The following ABLIM1 variants were observed in gnomAD, a reference collection of about 807,000 sequenced individuals.
ABLIM1 encodes the protein actin binding LIM protein 1, also known as actin-binding LIM protein 1.
Under a neutral mutation model 107.0 loss-of-function variants are expected in ABLIM1, and 40 were observed. That is an observed-to-expected ratio of 0.37 (90% CI 0.29 to 0.49). ABLIM1 has a LOEUF of 0.49. Among genes scored for constraint, ABLIM1 ranks in the 20% least tolerant of loss-of-function variants. The probability of loss-of-function intolerance (pLI) is 0.97; values close to 1 mark genes in which losing one functional copy is unlikely to be tolerated. For missense variants in ABLIM1, 857 were observed against 1,008.5 expected (o/e 0.85, Z 2.04); for synonymous variants, 357 against 357.3 (o/e 1.00, Z 0.01).
chr10:114,756,586 G>A (rs2082634839), intron 1 of ABLIM1, among the ~76,000 whole-genome samples: 1 of 152,082 alleles, frequency 6.6e-6, no homozygotes, highest in Admixed American at 6.6e-5. Context: ...TTTCTCAGTA[G>A]AGTTTAAAAT....
chr10:114,639,155 G>A (rs947988037), intron 1 of ABLIM1, among the ~76,000 whole-genome samples: 2 of 152,066 alleles, frequency 1.3e-5, no homozygotes, highest in African/African-American at 2.4e-5. Context: ...AGTCATCATC[G>A]GAGGAACTAG....
intron 6 of ABLIM1, among the ~76,000 whole-genome samples, chr10:114,534,347 T>A (rs956152879): frequency 6.6e-6 from 1 of 152,070 alleles, no homozygotes; most frequent in Non-Finnish European, 1.5e-5. Context: ...TAGTGGCCAG[T>A]CCAGGAACTA....
intron 1 of ABLIM1, among the ~76,000 whole-genome samples, chr10:114,714,897 CCT>C (rs2081628061): frequency 6.6e-6 from 1 of 151,978 alleles, no homozygotes; most frequent in Non-Finnish European, 1.5e-5. Context: ...TCTGATTATC[CCT>C]CTCTGTCTCC....
chr10:114,575,067 C>T (rs761647955), intron 3 of ABLIM1, among the ~76,000 whole-genome samples: 2 of 152,122 alleles, frequency 1.3e-5, no homozygotes, highest in Non-Finnish European at 2.9e-5. Context: ...TAAACACACA[C>T]ACATGCCTAG....
At chr10:114,738,234 G>A (rs1214018810) in intron 1 of ABLIM1, among the ~76,000 whole-genome samples, 1 of 152,152 alleles carries the variant, frequency 6.6e-6, no homozygotes, top group Non-Finnish European at 1.5e-5. Context: ...ATTTTTAGTA[G>A]AGATGGGGCT....
chr10:114,664,045 C>A (rs889203420), intron 1 of ABLIM1, among the ~76,000 whole-genome samples: 2 of 152,198 alleles, frequency 1.3e-5, no homozygotes, highest in African/African-American at 4.8e-5. Context: ...ACTAGGAAAT[C>A]TCCAATACCC....
At chr10:114,799,023 CT>C in the ABLIM1 span, among the ~76,000 whole-genome samples, 1 of 152,202 alleles carries the variant, frequency 6.6e-6, no homozygotes, top group Non-Finnish European at 1.5e-5. Context: ...TGGTCTCAAT[CT>C]TTTGACCTCA....
intron 4 of ABLIM1, among the ~76,000 whole-genome samples, chr10:114,567,165 G>A (rs2070874976): frequency 6.6e-6 from 1 of 152,210 alleles, no homozygotes; most frequent in Non-Finnish European, 1.5e-5. Flanking sequence ...TGGATAATCT[G>A]CAGACAAATG....
At chr10:114,726,282 C>T (rs1158633558) in intron 1 of ABLIM1, among the ~76,000 whole-genome samples, 1 of 152,050 alleles carries the variant, frequency 6.6e-6, no homozygotes, top group African/African-American at 2.4e-5. Context: ...GTTTGTTAGG[C>T]TATTCTTGCA....
chr10:114,538,722 A>G (rs905568922), intron 6 of ABLIM1, among the ~76,000 whole-genome samples: 1 of 152,194 alleles, frequency 6.6e-6, no homozygotes, highest in Non-Finnish European at 1.5e-5. Context: ...CAGGGAGGAG[A>G]ACAAAAGAAT....
chr10:114,673,966 G>T (rs141739781), intron 1 of ABLIM1, among the ~76,000 whole-genome samples: 235 of 152,290 alleles, frequency 1.5e-3, no homozygotes, highest in African/African-American at 5.1e-3. Context: ...GGGAGAACCA[G>T]GTTATCTAGT....
the ABLIM1 span, among the ~76,000 whole-genome samples, chr10:114,784,114 G>A: frequency 6.6e-6 from 1 of 151,384 alleles, no homozygotes; most frequent in Non-Finnish European, 1.5e-5. Flanking sequence ...TTGGGAGGCT[G>A]AGGGGGGCGG....
intron 2 of ABLIM1, 115 bp downstream of exon 2, chr10:114,601,712 T>G: frequency 6.6e-7 from 1 of 1,522,038 alleles, no homozygotes; most frequent in Non-Finnish European, 9.1e-7. Flanking sequence ...TCAGGGCTTC[T>G]GAGAGCATTC....
At chr10:114,534,689 C>A (rs559864344) in intron 6 of ABLIM1, among the ~76,000 whole-genome samples, 15 of 152,182 alleles carry the variant, frequency 9.9e-5, no homozygotes, top group Admixed American at 3.9e-4. Flanking sequence ...TCCTGGTTGA[C>A]TTCCTGGAAG....
chr10:114,777,380 C>T, the ABLIM1 span, among the ~76,000 whole-genome samples: 1 of 151,892 alleles, frequency 6.6e-6, no homozygotes, highest in Non-Finnish European at 1.5e-5. Flanking sequence ...TTCTTAGAGT[C>T]CTTGTCAGTT....
In ABLIM1 at chr10:114,721,272, G is replaced by A. The variant is rs535947102; in HGVS notation, c.-213+46789C>T. 1.6e-4 allele frequency among the ~76,000 whole-genome samples: 24 copies of A among 152,284 alleles called. No individual in the cohort carries two copies. In the South Asian group the frequency reaches 5.0e-3, roughly 32 times the overall value. ...TGACAGGTGAGCTTCACCTCTGGGAGTGGAGGCAGCACAAGGAAATCTTGG... is the reference window on the plus strand; with the variant it reads ...TGACAGGTGAGCTTCACCTCTGGGAATGGAGGCAGCACAAGGAAATCTTGG... On this transcript the variant is annotated intron_variant, in intron 1 of 15. Coordinates refer to the ABLIM1 transcript ENST00000651092.
At chr10:114,518,420 G>A (rs1256402296) in intron 6 of ABLIM1, among the ~76,000 whole-genome samples, 1 of 151,700 alleles carries the variant, frequency 6.6e-6, no homozygotes, top group Non-Finnish European at 1.5e-5. Flanking sequence ...TTTCAGCTTT[G>A]TGGACTACGC....
chr10:114,485,426 C>T (rs2058050921), intron 8 of ABLIM1: 2 of 1,491,378 alleles, frequency 1.3e-6, no homozygotes, highest in East Asian at 2.4e-5. Context: ...CAGAAATAGC[C>T]TCAAATCAGA....
chr10:114,752,372 T>C (rs1021365986), intron 1 of ABLIM1, among the ~76,000 whole-genome samples: 1 of 152,254 alleles, frequency 6.6e-6, no homozygotes, highest in Non-Finnish European at 1.5e-5. Flanking sequence ...ATTTTGATTA[T>C]TTTTAAGTAG....
Sources: allele counts gnomAD v4.1 joint callset (sites outside exome capture counted in the v4.1 genomes callset), GRCh38; gene constraint gnomAD v4.1.1; transcripts MANE v1.5; gene names NCBI Gene and HGNC (gene_info 2026-07-23, HGNC 2026-07-21).